PPM1L: variants seen among roughly 807,000 people sequenced by gnomAD.
PPM1L encodes protein phosphatase, Mg2+/Mn2+ dependent 1L.
PPM1L carries 13 observed loss-of-function variants against 31.4 expected under a neutral mutation model. The observed-to-expected ratio is 0.41, with a 90% CI of 0.27 to 0.66. The LOEUF is 0.66. Among genes scored for constraint, PPM1L ranks in the 30% least tolerant of loss-of-function variants. The probability of loss-of-function intolerance (pLI) is 0.29; values close to 1 mark genes in which losing one functional copy is unlikely to be tolerated. For synonymous variants in PPM1L, 184 were observed against 175.4 expected (o/e 1.05, Z -0.39); for missense variants, 326 against 453.7 (o/e 0.72, Z 2.56).
At chr3:160,935,193 C>T (rs1033210985) in intron 1 of PPM1L, among the ~76,000 whole-genome samples, 8 of 152,218 alleles carry the variant, frequency 5.3e-5, no homozygotes, top group South Asian at 2.1e-4. Flanking sequence ...AATATGTAGT[C>T]GTCAGGGACT....
intron 2 of PPM1L, among the ~76,000 whole-genome samples, chr3:160,974,837 A>G (rs1463807455): frequency 1.4e-5 from 2 of 142,354 alleles, no homozygotes; most frequent in South Asian, 4.6e-4. Context: ...GTTCACTCTG[A>G]TGGTAGTTTC....
At chr3:160,928,496 A>C (rs1714674624) in intron 1 of PPM1L, among the ~76,000 whole-genome samples, 1 of 152,190 alleles carries the variant, frequency 6.6e-6, no homozygotes, top group Admixed American at 6.5e-5. Flanking sequence ...CAGCGTTTGG[A>C]GCTACTGGTA....
chr3:160,943,984 C>T (rs973581967), intron 1 of PPM1L, among the ~76,000 whole-genome samples: 44 of 152,124 alleles, frequency 2.9e-4, no homozygotes, highest in African/African-American at 1.0e-3. Flanking sequence ...TTTTTCTCAT[C>T]TCTTTCCATA....
chr3:160,808,133 T>A (rs1008541085), intron 1 of PPM1L, among the ~76,000 whole-genome samples: 20 of 152,132 alleles, frequency 1.3e-4, no homozygotes, highest in African/African-American at 4.6e-4. Context: ...AGAAAGCTGA[T>A]TTATCTACAC....
At chr3:161,002,292 A>G (rs1475974112) in intron 2 of PPM1L, among the ~76,000 whole-genome samples, 17 of 152,210 alleles carry the variant, frequency 1.1e-4, no homozygotes, top group Admixed American at 6.5e-5. Context: ...ATGCCACAAT[A>G]AACATATATG....
chr3:160,800,255 T>C (rs1277754874), intron 1 of PPM1L, among the ~76,000 whole-genome samples: 2 of 152,210 alleles, frequency 1.3e-5, no homozygotes, highest in Non-Finnish European at 1.5e-5. Context: ...AGTTTTAATT[T>C]TAGAGAACTT....
chr3:160,764,659 G>T (rs904104753), intron 1 of PPM1L, among the ~76,000 whole-genome samples: 2 of 151,770 alleles, frequency 1.3e-5, no homozygotes, highest in Non-Finnish European at 2.9e-5. Flanking sequence ...ATAGAGATGG[G>T]GTTTCACCAT....
At chr3:160,893,679 AC>A (rs1481278963) in intron 1 of PPM1L, among the ~76,000 whole-genome samples, 1 of 152,194 alleles carries the variant, frequency 6.6e-6, no homozygotes, top group Non-Finnish European at 1.5e-5. Context: ...GTAGTTTAAA[AC>A]AAAAAATTAT....
At chr3:160,890,803 A>C (rs1235258747) in intron 1 of PPM1L, among the ~76,000 whole-genome samples, 1 of 152,056 alleles carries the variant, frequency 6.6e-6, no homozygotes, top group Non-Finnish European at 1.5e-5. Context: ...TACAGAGGAG[A>C]CCTCAGAAAT....
At chr3:160,771,868 GT>G (rs369217035) in intron 1 of PPM1L, among the ~76,000 whole-genome samples, 6 of 147,702 alleles carry the variant, frequency 4.1e-5, no homozygotes, top group Non-Finnish European at 3.0e-5. Context: ...TTTGCTGTTT[GT>G]TTTTTTTTTC....
At chr3:160,846,435 C>T (rs534735975) in intron 1 of PPM1L, among the ~76,000 whole-genome samples, 1 of 152,222 alleles carries the variant, frequency 6.6e-6, no homozygotes, top group South Asian at 2.1e-4. Flanking sequence ...TTTTAAATTA[C>T]ACATCGTCTC....
chr3:160,824,315 G>A (rs1312420111), intron 1 of PPM1L, among the ~76,000 whole-genome samples: 1 of 152,134 alleles, frequency 6.6e-6, no homozygotes, highest in Non-Finnish European at 1.5e-5. Context: ...TGGACTTCCA[G>A]CCACTAGAAC....
chr3:160,894,751 G>A (rs1327927706), intron 1 of PPM1L, among the ~76,000 whole-genome samples: 1 of 152,054 alleles, frequency 6.6e-6, no homozygotes, highest in African/African-American at 2.4e-5. Context: ...GCCCATTTTG[G>A]TTGGTGTACT....
chr3:160,809,697 C>G (rs1156899420), intron 1 of PPM1L, among the ~76,000 whole-genome samples: 1 of 152,132 alleles, frequency 6.6e-6, no homozygotes, highest in Non-Finnish European at 1.5e-5. Flanking sequence ...CTTACCATCT[C>G]TCCAGTGGGA....
At chr3:160,758,250 G>A (rs1287102121) in intron 1 of PPM1L, among the ~76,000 whole-genome samples, 2 of 152,048 alleles carry the variant, frequency 1.3e-5, no homozygotes, top group African/African-American at 4.8e-5. Context: ...TGTGTACATG[G>A]GCAAAAACAT....
chr3:161,073,395 C>G lies in PPM1L; in HGVS notation c.*4238C>G, dbSNP rs1254044265. 6.6e-6 allele frequency: 1 copy of G among 152,170 alleles called. No homozygotes were observed. Among genetic ancestry groups the G allele is most frequent in the Non-Finnish European group, 1.5e-5 (1 of 68,036 alleles). The allele number at this position is 152,170 out of a possible 1,614,324, so 9.4% of individuals were successfully genotyped here. A position where few individuals can be genotyped will look rare whatever the true frequency, so the allele number is the denominator to read the frequency against. On this transcript the variant is annotated 3_prime_UTR_variant, in exon 4 of 4. Transcript: ENST00000498165. ...ATTGAAATATTGCTGTGTTTTCATT[C>G]ACGATGACTCTTAGTAGCAGTACAA...
intron 2 of PPM1L, among the ~76,000 whole-genome samples, chr3:160,986,053 T>C (rs571387472): frequency 6.6e-6 from 1 of 152,220 alleles, no homozygotes; most frequent in East Asian, 1.9e-4. Flanking sequence ...ATGTATTATA[T>C]AGTAAAAACT....
chr3:160,770,080 A>C (rs1266090766), intron 1 of PPM1L, among the ~76,000 whole-genome samples: 2 of 152,200 alleles, frequency 1.3e-5, no homozygotes, highest in Admixed American at 6.5e-5. Flanking sequence ...TCAATTTATA[A>C]AAATGCTTAC....
At chr3:160,866,508 T>C (rs1712092564) in intron 1 of PPM1L, among the ~76,000 whole-genome samples, 2 of 152,220 alleles carry the variant, frequency 1.3e-5, no homozygotes, top group South Asian at 4.1e-4. Flanking sequence ...CTTACTATTT[T>C]AGATAATAAT....
Sources: allele counts gnomAD v4.1 joint callset (sites outside exome capture counted in the v4.1 genomes callset), GRCh38; gene constraint gnomAD v4.1.1; transcripts MANE v1.5; gene names NCBI Gene and HGNC (gene_info 2026-07-23, HGNC 2026-07-21).